The following GPM6B variants were observed in gnomAD, a reference collection of about 807,000 sequenced individuals.
GPM6B encodes the protein neuronal membrane glycoprotein M6-b.
Under a neutral mutation model 27.2 loss-of-function variants are expected in GPM6B, and 4 were observed. The observed-to-expected ratio is 0.15, with a 90% CI of 0.07 to 0.34. The LOEUF (loss-of-function observed/expected upper bound fraction) is 0.34. GPM6B is among the 10% of genes least tolerant of loss of function. GPM6B has a pLI of 1.00. For missense variants in GPM6B, 183 were observed against 261.9 expected, an observed-to-expected ratio of 0.70 and a Z score of 2.08; for synonymous variants, 124 against 103.1, an observed-to-expected ratio of 1.20 and a Z score of -1.23.
chrX:13,920,290 AAAG>A (rs1920956377), intron 1 of GPM6B, among the ~76,000 whole-genome samples: 1 of 26,184 alleles, frequency 3.8e-5, no homozygotes, highest in African/African-American at 1.1e-4. Context: ...AAAAAAAAAG[AAAG>A]AAAGAAAGAA....
At chrX:13,886,755 T>C (rs1165930418) in intron 1 of GPM6B, among the ~76,000 whole-genome samples, 1 of 59,095 alleles carries the variant, frequency 1.7e-5, no homozygotes, top group Non-Finnish European at 2.8e-5. Context: ...TAGAAACTCT[T>C]GTTCTCAGTG....
chrX:13,918,861 A>C (rs1287036775), intron 1 of GPM6B, among the ~76,000 whole-genome samples: 1 of 111,899 alleles, frequency 8.9e-6, no homozygotes, highest in African/African-American at 3.2e-5. Flanking sequence ...AGATGGTGCT[A>C]AACCATTCAT....
chrX:13,874,011 A>T (rs1373006406), intron 1 of GPM6B, among the ~76,000 whole-genome samples: 1 of 111,594 alleles, frequency 9.0e-6, no homozygotes, highest in African/African-American at 3.3e-5. Context: ...TAACACGAGA[A>T]TACTTAATAG....
At chrX:13,897,698 C>T (rs1042823442) in intron 1 of GPM6B, among the ~76,000 whole-genome samples, 6 of 111,748 alleles carry the variant, frequency 5.4e-5, no homozygotes, top group Non-Finnish European at 1.1e-4. Flanking sequence ...TACCCAGCTG[C>T]AAGTCATATT....
At chrX:13,775,160 A>G (rs1372842731) in intron 7 of GPM6B, among the ~76,000 whole-genome samples, 1 of 112,604 alleles carries the variant, frequency 8.9e-6, no homozygotes, top group Non-Finnish European at 1.9e-5. Flanking sequence ...AAGCCCTCCA[A>G]AATTACATGT....
intron 1 of GPM6B, among the ~76,000 whole-genome samples, chrX:13,902,492 C>A (rs1264988297): frequency 2.7e-5 from 3 of 110,972 alleles, no homozygotes; most frequent in Non-Finnish European, 3.8e-5. Flanking sequence ...TACTCTATTG[C>A]CAACGAAGTC....
intron 1 of GPM6B, among the ~76,000 whole-genome samples, chrX:13,936,060 G>A (rs905028377): frequency 1.8e-5 from 2 of 111,820 alleles, no homozygotes; most frequent in Admixed American, 9.5e-5. Flanking sequence ...GAGTGACTGC[G>A]AAATGGGTAC....
intron 1 of GPM6B, among the ~76,000 whole-genome samples, chrX:13,883,937 G>T (rs191006312): frequency 8.9e-6 from 1 of 111,917 alleles, no homozygotes; most frequent in African/African-American, 3.2e-5. Flanking sequence ...CAGCACTTTG[G>T]GAGGCCAAGG....
intron 1 of GPM6B, among the ~76,000 whole-genome samples, chrX:13,850,657 T>C (rs2049704992): frequency 8.9e-6 from 1 of 112,141 alleles, no homozygotes; most frequent in Admixed American, 9.4e-5. Context: ...ATGGGCAATA[T>C]ACTTAAGCTC....
At chrX:13,916,634 G>C (rs1354423985) in intron 1 of GPM6B, among the ~76,000 whole-genome samples, 1 of 104,752 alleles carries the variant, frequency 9.5e-6, no homozygotes, top group East Asian at 3.0e-4. Flanking sequence ...GTTTAAGTTT[G>C]TTTGAAAAGA....
At position 13,857,492 on chromosome X, in the gene GPM6B, C is replaced by T. The variant is rs774982175; in HGVS notation, c.-197-71684G>A. Reference sequence around the variant, plus strand: ...GCCCACAAGGTCTGAATTTTCTTTCCTCTTAGAATCATAGCATCTTAGATC... The same window carrying T: ...GCCCACAAGGTCTGAATTTTCTTTCTTCTTAGAATCATAGCATCTTAGATC... On this transcript the variant is annotated intron_variant, in intron 1 of 6. Transcript: ENST00000398361. Among the ~76,000 whole-genome samples the T allele has an allele frequency of 5.3e-5, 6 of 112,186 alleles. No homozygotes were observed. The Admixed American group carries it at 5.7e-4, about 11-fold the overall frequency.
At chrX:13,837,281 T>C (rs1400041462) in intron 1 of GPM6B, among the ~76,000 whole-genome samples, 1 of 112,145 alleles carries the variant, frequency 8.9e-6, no homozygotes, top group Non-Finnish European at 1.9e-5. Context: ...TTTTCTTTGT[T>C]ACGACTTATC....
intron 1 of GPM6B, among the ~76,000 whole-genome samples, chrX:13,840,362 T>C (rs2049557612): frequency 1.8e-5 from 2 of 111,114 alleles, no homozygotes; most frequent in South Asian, 7.8e-4. Flanking sequence ...CTCACCTCAG[T>C]GTGCTATGCT....
At chrX:13,888,761 A>G (rs1331363560) in intron 1 of GPM6B, among the ~76,000 whole-genome samples, 1 of 111,587 alleles carries the variant, frequency 9.0e-6, no homozygotes, top group African/African-American at 3.3e-5. Flanking sequence ...TTTTCCTCTG[A>G]AGCCAATGAT....
chrX:13,835,303 T>G lies in GPM6B; in HGVS notation c.-197-49495A>C, dbSNP rs1407929253. On this transcript the variant is annotated intron_variant, in intron 1 of 6. Transcript: ENST00000398361. ...ATGAGTGGAACCATGGGGGCAAGTA[T>G]GTAGTCAAGCTTAACTCTGCCAGCA... Among the ~76,000 whole-genome samples, 4 of 112,004 alleles carry G rather than the reference T, an allele frequency of 3.6e-5. No homozygotes were observed. In the South Asian group the frequency reaches 1.1e-3, roughly 32 times the overall value.
chrX:13,887,304 C>T (rs1310744639), intron 1 of GPM6B, among the ~76,000 whole-genome samples: 2 of 112,244 alleles, frequency 1.8e-5, no homozygotes, highest in African/African-American at 6.5e-5. Context: ...GTAGGGACAT[C>T]TTGGGGGAAG....
chrX:13,813,802 C>T (rs999352558), intron 1 of GPM6B, among the ~76,000 whole-genome samples: 1 of 112,201 alleles, frequency 8.9e-6, no homozygotes, highest in African/African-American at 3.2e-5. Flanking sequence ...TATTCCATGT[C>T]AGTGAATCTG....
intron 1 of GPM6B, among the ~76,000 whole-genome samples, chrX:13,892,861 G>A (rs1264639181): frequency 9.0e-6 from 1 of 111,667 alleles, no homozygotes; most frequent in Non-Finnish European, 1.9e-5. Context: ...GACCAGCCTG[G>A]GCAAGATCCC....
chrX:13,795,096 T>A (rs2048785525), intron 2 of GPM6B, among the ~76,000 whole-genome samples: 1 of 112,504 alleles, frequency 8.9e-6, no homozygotes, highest in East Asian at 2.8e-4. Flanking sequence ...TCCAAATACT[T>A]ACCAGACTTC....
Sources: gnomAD v4.1 joint callset for allele counts (sites outside exome capture counted in the v4.1 genomes callset) on GRCh38, gnomAD v4.1.1 for gene constraint, MANE v1.5 for transcripts, NCBI Gene and HGNC (gene_info 2026-07-23, HGNC 2026-07-21) for gene names.